The following WNT7A variants were observed in gnomAD, a reference collection of about 807,000 sequenced individuals.
WNT7A encodes Wnt family member 7A, also known as protein Wnt-7a.
WNT7A carries 16 observed loss-of-function variants against 28.2 expected under a neutral mutation model. The ratio of observed to expected loss-of-function variants is 0.57; its 90% confidence interval spans 0.38 to 0.86. WNT7A has a LOEUF of 0.86. Among genes scored for constraint, WNT7A ranks in the 40% least tolerant of loss-of-function variants. WNT7A has a pLI of 0.00. For missense variants in WNT7A, 411 were observed against 489.7 expected (o/e 0.84, Z 1.52); for synonymous variants, 190 against 195.9 (o/e 0.97, Z 0.25).
At chr3:13,843,318 G>T (rs13321422) in intron 3 of WNT7A, among the ~76,000 whole-genome samples, 5 of 152,270 alleles carry the variant, frequency 3.3e-5, no homozygotes, top group Non-Finnish European at 2.9e-5. Flanking sequence ...AGCGTAGGAC[G>T]AGGCACTCCA....
intron 3 of WNT7A, among the ~76,000 whole-genome samples, chr3:13,845,293 C>T (rs1000028799): frequency 1.3e-5 from 2 of 152,182 alleles, no homozygotes; most frequent in Admixed American, 1.3e-4. Flanking sequence ...ACTCCGTGCC[C>T]GCCACTCTAA....
At chr3:13,866,826 T>C (rs542008127) in intron 2 of WNT7A, among the ~76,000 whole-genome samples, 38 of 152,212 alleles carry the variant, frequency 2.5e-4, no homozygotes, top group Middle Eastern at 3.4e-3. Context: ...TCATGCTGGA[T>C]GGCTGCGTGG....
intron 3 of WNT7A, among the ~76,000 whole-genome samples, chr3:13,845,378 C>G (rs1183327774): frequency 6.6e-6 from 1 of 152,214 alleles, no homozygotes; most frequent in African/African-American, 2.4e-5. Context: ...AGGTGGCTAC[C>G]AAGCACTTGA....
In WNT7A at chr3:13,875,090, C is replaced by A; in HGVS notation, c.155G>T (p.Cys52Phe). Residue 52 changes from cysteine to phenylalanine, a missense_variant, in exon 2 of 4, where the codon TGC becomes TTC. Coordinates refer to ENST00000285018, the MANE Select transcript of WNT7A (RefSeq NM_004625.4). ...GATGATGGCGTCGGGCCGGCTCTGG[C>A]AGATCGCCCGCTGTCTGGGAGCCAG... ...PGLAPRQRAI[C>F]QSRPDAIIVI... is the part of the protein sequence containing the mutation. The A allele has an allele frequency of 6.2e-7, 1 of 1,614,204 alleles. No homozygotes were observed. The highest frequency in any genetic ancestry group is 8.5e-7 in the Non-Finnish European group (1 of 1,180,042).
intron 3 of WNT7A, among the ~76,000 whole-genome samples, chr3:13,822,980 G>T (rs1276182547): frequency 1.3e-5 from 2 of 152,196 alleles, no homozygotes; most frequent in African/African-American, 4.8e-5. Flanking sequence ...CTGACGCCAT[G>T]GTGGTATTGA....
chr3:13,856,534 G>T (rs933858327), intron 2 of WNT7A, among the ~76,000 whole-genome samples: 7 of 152,150 alleles, frequency 4.6e-5, no homozygotes, highest in African/African-American at 1.4e-4. Flanking sequence ...CATCTCTGAG[G>T]GGGCCAGGCA....
chr3:13,840,070 A>T (rs1575064254), intron 3 of WNT7A, among the ~76,000 whole-genome samples: 2 of 151,818 alleles, frequency 1.3e-5, no homozygotes, highest in Non-Finnish European at 2.9e-5. Context: ...TCTCTCTGTG[A>T]CCTCCTCTCC....
At chr3:13,862,432 T>C (rs1038311435) in intron 2 of WNT7A, among the ~76,000 whole-genome samples, 1 of 151,396 alleles carries the variant, frequency 6.6e-6, no homozygotes, top group Non-Finnish European at 1.5e-5. Flanking sequence ...GTGCATTGTA[T>C]TTTTTTTTCT....
At chr3:13,876,674 C>A (rs1309756687) in intron 1 of WNT7A, among the ~76,000 whole-genome samples, 1 of 152,138 alleles carries the variant, frequency 6.6e-6, no homozygotes, top group Non-Finnish European at 1.5e-5. Context: ...ATCACTCCTG[C>A]CGTTTCCCTA....
intron 3 of WNT7A, among the ~76,000 whole-genome samples, chr3:13,821,409 C>T (rs920392495): frequency 6.6e-6 from 1 of 152,300 alleles, no homozygotes; most frequent in East Asian, 1.9e-4. Context: ...TGACTCAGAC[C>T]TTCCATTTCC....
Position 13,818,914 on chromosome 3 carries a change from T to C in WNT7A, c.*30A>G, listed in dbSNP as rs769975675. On this transcript the variant is annotated 3_prime_UTR_variant, in exon 4 of 4. Transcript: ENST00000285018. ...GTCCAGTCCTCCCAGCAATCTGACT[T>C]GCAGCGGGAGGGTGGTGTGCACACG... 2.6e-6 allele frequency: 4 copies of C among 1,545,734 alleles called. No homozygotes were observed. In the Admixed American group the frequency reaches 7.3e-5, roughly 28 times the overall value.
intron 3 of WNT7A, among the ~76,000 whole-genome samples, chr3:13,852,023 G>A (rs1694647144): frequency 6.6e-6 from 1 of 152,248 alleles, no homozygotes; most frequent in Non-Finnish European, 1.5e-5. Flanking sequence ...CAGCTTCCTT[G>A]CGGTGTTGCC....
chr3:13,879,102 T>C (rs1161355204), intron 1 of WNT7A, among the ~76,000 whole-genome samples: 1 of 152,102 alleles, frequency 6.6e-6, no homozygotes, highest in Non-Finnish European at 1.5e-5. Context: ...TTTGTGTGTG[T>C]TTGTTGGGGG....
At chr3:13,866,894 G>A (rs1694919542) in intron 2 of WNT7A, among the ~76,000 whole-genome samples, 1 of 152,182 alleles carries the variant, frequency 6.6e-6, no homozygotes, top group Admixed American at 6.5e-5. Context: ...CATTGTCCAG[G>A]CAACAAGTAT....
chr3:13,846,411 G>A (rs186944495), intron 3 of WNT7A, among the ~76,000 whole-genome samples: 105 of 152,228 alleles, frequency 6.9e-4, no homozygotes, highest in African/African-American at 2.5e-3. Flanking sequence ...AGGCTGCTTG[G>A]GTTTATATCC....
chr3:13,819,026 T>A lies in WNT7A; in HGVS notation c.968A>T (p.Gln323Leu). 6.2e-7 allele frequency: 1 copy of A among 1,612,456 alleles called. No homozygotes were observed. The highest frequency in any genetic ancestry group is 1.7e-5 in the Admixed American group (1 of 59,992). ...YNTHQYARVW[Q>L]CNCKFHWCCY... ...GCACCAGTGGAACTTACAGTTGCAC[T>A]GCCACACGCGGGCGTACTGGTGGGT... Residue 323 changes from glutamine (Q) to leucine (L), a missense_variant, in exon 4 of 4, where the codon CAG becomes CTG. By Grantham distance (113) the Gln-to-Leu change is moderately radical. Transcript: ENST00000285018.
At chr3:13,853,483 C>T (rs1202105386) in intron 3 of WNT7A, among the ~76,000 whole-genome samples, 2 of 152,220 alleles carry the variant, frequency 1.3e-5, no homozygotes, top group Non-Finnish European at 2.9e-5. Flanking sequence ...CCTGCCCCTA[C>T]CTCTGGGTCT....
At chr3:13,870,652 G>C (rs905719366) in intron 2 of WNT7A, among the ~76,000 whole-genome samples, 1 of 152,218 alleles carries the variant, frequency 6.6e-6, no homozygotes, top group African/African-American at 2.4e-5. Context: ...CCATTAGCTG[G>C]TCCAATCCGA....
intron 3 of WNT7A, among the ~76,000 whole-genome samples, chr3:13,847,441 G>T (rs2124851131): frequency 6.6e-6 from 1 of 152,276 alleles, no homozygotes; most frequent in South Asian, 2.1e-4. Flanking sequence ...CTTTGGCGGG[G>T]CCCCTCCAGT....
Sources: allele counts gnomAD v4.1 joint callset (sites outside exome capture counted in the v4.1 genomes callset), GRCh38; gene constraint gnomAD v4.1.1; transcripts MANE v1.5; gene names NCBI Gene and HGNC (gene_info 2026-07-23, HGNC 2026-07-21).